TENM2: variants seen among roughly 807,000 people sequenced by gnomAD.
TENM2 encodes teneurin transmembrane protein 2, also known as teneurin-2.
A neutral mutation model predicts 245.2 loss-of-function variants in TENM2; 52 were observed. The ratio of observed to expected loss-of-function variants is 0.21; its 90% CI spans 0.17 to 0.27. TENM2 has a LOEUF of 0.27. Ranked by LOEUF, TENM2 falls within the 10% of genes least tolerant of loss-of-function variation. The pLI, the probability that TENM2 is intolerant of heterozygous loss-of-function variation, is 1.00. For synonymous variants in TENM2, 1,363 were observed against 1,438.9 expected, an observed-to-expected ratio of 0.95 and a Z score of 1.19; for missense variants, 3,046 against 3,666.8, an observed-to-expected ratio of 0.83 and a Z score of 4.37.
At chr5:167,809,364 G>A (rs1031062699) in intron 2 of TENM2, among the ~76,000 whole-genome samples, 6 of 152,134 alleles carry the variant, frequency 3.9e-5, no homozygotes, top group African/African-American at 7.2e-5. Context: ...TTAAATGGCT[G>A]TATGTCATCC....
In TENM2 at chr5:167,513,489, A is replaced by C. The variant is rs151116918; in HGVS notation, c.502+138016A>C. On this transcript the variant is annotated intron_variant, in intron 2 of 28. Coordinates refer to ENST00000518659, the Ensembl canonical transcript of TENM2. ...TGCCTTATGAGCCTGTTTGGTAGGAAACACTTAAATATGTAGATCCTCTGT... is the reference window on the plus strand; with the variant it reads ...TGCCTTATGAGCCTGTTTGGTAGGACACACTTAAATATGTAGATCCTCTGT... Among the ~76,000 whole-genome samples the C allele has an allele frequency of 9.8e-3, 1,498 of 152,244 alleles. 29 individuals carry two copies. The highest frequency in any genetic ancestry group is 0.035 in the African/African-American group (1,436 of 41,530).
chr5:167,161,980 A>G, the TENM2 span, among the ~76,000 whole-genome samples: 3 of 152,026 alleles, frequency 2.0e-5, no homozygotes, highest in Non-Finnish European at 4.4e-5. Context: ...CATCCTGGCC[A>G]ACATGATGAT....
chr5:168,144,061 G>T (rs1755813997), intron 12 of TENM2, among the ~76,000 whole-genome samples: 2 of 150,656 alleles, frequency 1.3e-5, no homozygotes, highest in African/African-American at 4.9e-5. Flanking sequence ...GTTTCGCCAT[G>T]TTGGTCTGGC....
chr5:167,754,969 C>T (rs1242742792), intron 2 of TENM2: 3 of 1,531,576 alleles, frequency 2.0e-6, no homozygotes, highest in Non-Finnish European at 2.6e-6. Context: ...AAGGCCTCAG[C>T]TGTGTCAGAC....
chr5:167,118,145 C>A, the TENM2 span, among the ~76,000 whole-genome samples: 1 of 152,084 alleles, frequency 6.6e-6, no homozygotes, highest in African/African-American at 2.4e-5. Context: ...AGTATTCTTC[C>A]AGTTTGTAGG....
chr5:168,049,614 A>C (rs1447020681), intron 6 of TENM2, among the ~76,000 whole-genome samples: 3 of 152,146 alleles, frequency 2.0e-5, no homozygotes, highest in Non-Finnish European at 4.4e-5. Context: ...ACAAATCTTA[A>C]GAGTACAAGA....
At chr5:167,776,869 C>G (rs1763844133) in intron 2 of TENM2, among the ~76,000 whole-genome samples, 1 of 151,946 alleles carries the variant, frequency 6.6e-6, no homozygotes, top group Non-Finnish European at 1.5e-5. Flanking sequence ...TACATGTTCC[C>G]CATCATTTTT....
chr5:167,631,264 G>A (rs1778851090), intron 2 of TENM2, among the ~76,000 whole-genome samples: 1 of 152,112 alleles, frequency 6.6e-6, no homozygotes, highest in Non-Finnish European at 1.5e-5. Flanking sequence ...ATAATAAAAC[G>A]AAGAGAGGCA....
intron 2 of TENM2, among the ~76,000 whole-genome samples, chr5:167,451,509 G>C (rs1765580132): frequency 6.6e-6 from 1 of 152,192 alleles, no homozygotes; most frequent in Non-Finnish European, 1.5e-5. Flanking sequence ...TGAAATAAGA[G>C]AAACAGAAAA....
intron 1 of TENM2, among the ~76,000 whole-genome samples, chr5:167,311,809 T>C (rs1027868818): frequency 6.6e-6 from 1 of 152,204 alleles, no homozygotes; most frequent in Non-Finnish European, 1.5e-5. Flanking sequence ...AAATTTTACT[T>C]ACAAATCATA....
the TENM2 span, among the ~76,000 whole-genome samples, chr5:167,112,760 C>A: frequency 1.3e-5 from 2 of 152,180 alleles, no homozygotes; most frequent in Non-Finnish European, 2.9e-5. Flanking sequence ...TCCATACAAT[C>A]TGGCATCATG....
At chr5:167,755,254 T>C in intron 2 of TENM2, 1 of 1,256,470 alleles carries the variant, frequency 8.0e-7, no homozygotes, top group Non-Finnish European at 1.1e-6. Context: ...ACTGACAGGG[T>C]AGTTGGAGTA....
At chr5:167,689,818 A>T (rs980946716) in intron 2 of TENM2, among the ~76,000 whole-genome samples, 1 of 151,772 alleles carries the variant, frequency 6.6e-6, no homozygotes, top group African/African-American at 2.4e-5. Context: ...CTGGAGTGCA[A>T]TGGAGCAATT....
At position 167,717,331 on chromosome 5, in the gene TENM2, G is replaced by T. The variant is rs75260367; in HGVS notation, c.503-158655G>T. Among the ~76,000 whole-genome samples, 1,193 of 152,160 alleles carry T rather than the reference G, an allele frequency of 7.8e-3. 11 individuals carry two copies. Among genetic ancestry groups the T allele is most frequent in the Middle Eastern group, 0.027 (8 of 294 alleles). ...ACCTTGGCATTCAATTAAGTATTTT[G>T]AATGCTTCATCCTCAACTATGAACT... On this transcript the variant is annotated intron_variant, in intron 2 of 28. Transcript: ENST00000518659.
the TENM2 span, among the ~76,000 whole-genome samples, chr5:167,048,063 A>G: frequency 6.6e-6 from 1 of 152,210 alleles, no homozygotes; most frequent in African/African-American, 2.4e-5. Context: ...TGCCAGAGAT[A>G]GAATTCAATA....
intron 9 of TENM2, among the ~76,000 whole-genome samples, chr5:168,109,390 C>G (rs759395649): frequency 2.2e-4 from 33 of 152,362 alleles, no homozygotes; most frequent in Non-Finnish European, 3.2e-4. Context: ...AGTGAATCCT[C>G]TCATTTCATC....
intron 4 of TENM2, among the ~76,000 whole-genome samples, chr5:167,973,144 T>G (rs1781921677): frequency 6.6e-6 from 1 of 152,226 alleles, no homozygotes; most frequent in African/African-American, 2.4e-5. Context: ...AAATGCCTAG[T>G]AAGGCGGTAT....
chr5:167,071,106 C>T, the TENM2 span, among the ~76,000 whole-genome samples: 1 of 152,044 alleles, frequency 6.6e-6, no homozygotes, highest in Non-Finnish European at 1.5e-5. Context: ...GCCCTGTGTG[C>T]TTCTATTTGT....
chr5:167,035,066 G>T, the TENM2 span, among the ~76,000 whole-genome samples: 3 of 152,254 alleles, frequency 2.0e-5, no homozygotes, highest in East Asian at 5.8e-4. Context: ...GCTGCAATTT[G>T]AAATCAAATA....
Sources: allele counts gnomAD v4.1 joint callset (sites outside exome capture counted in the v4.1 genomes callset), GRCh38; gene constraint gnomAD v4.1.1; transcripts MANE v1.5; gene names NCBI Gene and HGNC (gene_info 2026-07-23, HGNC 2026-07-21).